Variants in MYO18B observed in about 807,000 individuals in gnomAD.
The protein encoded by MYO18B is myosin XVIIIB.
A neutral mutation model predicts 273.0 loss-of-function variants in MYO18B; 204 were observed. That is an observed-to-expected ratio of 0.75 (90% CI 0.67 to 0.84). The LOEUF (loss-of-function observed/expected upper bound fraction) is 0.84. Among genes scored for constraint, MYO18B ranks in the 40% least tolerant of loss-of-function variants. The pLI, the probability that MYO18B is intolerant of heterozygous loss-of-function variation, is 0.00. For missense variants in MYO18B, 3,212 were observed against 3,287.6 expected (o/e 0.98, Z 0.56); for synonymous variants, 1,330 against 1,305.7 (o/e 1.02, Z -0.40).
chr22:25,837,443 G>A (rs900984390), intron 17 of MYO18B, among the ~76,000 whole-genome samples: 2 of 152,226 alleles, frequency 1.3e-5, no homozygotes, highest in African/African-American at 4.8e-5. Flanking sequence ...CAAGTGAGGT[G>A]TGTGCTGGGG....
chr22:25,817,715 T>A (rs949007951), intron 12 of MYO18B, among the ~76,000 whole-genome samples: 1 of 152,194 alleles, frequency 6.6e-6, no homozygotes, highest in Non-Finnish European at 1.5e-5. Context: ...GAACAGAATT[T>A]CTCCTTCTTA....
At chr22:25,968,275 A>G (rs981390485) in intron 39 of MYO18B, among the ~76,000 whole-genome samples, 8 of 152,226 alleles carry the variant, frequency 5.3e-5, no homozygotes, top group African/African-American at 1.9e-4. Context: ...TCTGGGGTAC[A>G]TGCCCAGCCC....
chr22:25,913,670 T>C (rs1238196771), intron 33 of MYO18B, among the ~76,000 whole-genome samples: 1 of 152,230 alleles, frequency 6.6e-6, no homozygotes, highest in African/African-American at 2.4e-5. Context: ...GCCTGGCCGA[T>C]TGTGGCTTTT....
Position 25,941,305 on chromosome 22 carries a change from G to A in MYO18B, c.5518-4832G>A, listed in dbSNP as rs568902786. 1.8e-4 allele frequency among the ~76,000 whole-genome samples: 28 copies of A among 152,230 alleles called. No individual in the cohort carries two copies. The South Asian group carries it at 4.8e-3, about 26-fold the overall frequency. ...GGGGACGTGATGATTACTCAGAGTC[G>A]AAAGGTGGGAAGTGTCAGCTGTCAC... On this transcript the variant is annotated intron_variant, in intron 34 of 43. Coordinates refer to ENST00000335473, the MANE Select transcript of MYO18B (RefSeq NM_032608.7).
chr22:25,889,314 A>G (rs1264350939), intron 25 of MYO18B, among the ~76,000 whole-genome samples: 2 of 152,136 alleles, frequency 1.3e-5, no homozygotes, highest in East Asian at 1.9e-4. Context: ...TGTAAGAACC[A>G]TTTACCTTCT....
chr22:26,015,339 C>T (rs1162280660), intron 42 of MYO18B, among the ~76,000 whole-genome samples: 1 of 152,158 alleles, frequency 6.6e-6, no homozygotes, highest in Non-Finnish European at 1.5e-5. Flanking sequence ...ACCGTAAAGA[C>T]ACATGCATAT....
chr22:25,989,650 A>G (rs1285946733), intron 39 of MYO18B, among the ~76,000 whole-genome samples: 1 of 137,698 alleles, frequency 7.3e-6, no homozygotes, highest in African/African-American at 2.7e-5. Context: ...AAAAAAAAAA[A>G]AAGCCAGCGT....
At chr22:25,891,894 G>A (rs747926253) in intron 27 of MYO18B, among the ~76,000 whole-genome samples, 21 of 152,102 alleles carry the variant, frequency 1.4e-4, no homozygotes, top group Non-Finnish European at 4.4e-5. Context: ...CTGGTGTGGT[G>A]GCATGCACCT....
intron 34 of MYO18B, among the ~76,000 whole-genome samples, chr22:25,941,738 C>T (rs2092646688): frequency 6.6e-6 from 1 of 152,204 alleles, no homozygotes; most frequent in Admixed American, 6.5e-5. Context: ...TGGGGCCTGC[C>T]CCGTGGAGGT....
chr22:25,862,853 G>T (rs1368913902), intron 21 of MYO18B, among the ~76,000 whole-genome samples: 1 of 150,096 alleles, frequency 6.7e-6, no homozygotes, highest in Non-Finnish European at 1.5e-5. Context: ...TTTTGGGGGG[G>T]GGTGTCAAAT....
At chr22:25,865,856 G>T (rs1299503286) in intron 21 of MYO18B, among the ~76,000 whole-genome samples, 3 of 149,600 alleles carry the variant, frequency 2.0e-5, no homozygotes, top group Admixed American at 2.0e-4. Context: ...ATTTTTTATT[G>T]TTTTTTTTTC....
At chr22:26,063,020 C>A in the MYO18B span, among the ~76,000 whole-genome samples, 1 of 152,252 alleles carries the variant, frequency 6.6e-6, no homozygotes, top group Non-Finnish European at 1.5e-5. Flanking sequence ...GGAATGGACA[C>A]CCAGCACTGT....
intron 34 of MYO18B, among the ~76,000 whole-genome samples, chr22:25,943,118 T>C (rs1002871520): frequency 3.3e-5 from 5 of 152,108 alleles, no homozygotes; most frequent in Admixed American, 3.3e-4. Flanking sequence ...AATGACTCTC[T>C]CTTGCCTCCT....
chr22:25,837,072 G>T (rs1175158312), intron 17 of MYO18B, among the ~76,000 whole-genome samples: 1 of 151,894 alleles, frequency 6.6e-6, no homozygotes. Flanking sequence ...ATATGTGCTC[G>T]CATTCATTCA....
chr22:26,014,709 C>T (rs1935173910), intron 42 of MYO18B, among the ~76,000 whole-genome samples: 1 of 152,198 alleles, frequency 6.6e-6, no homozygotes, highest in African/African-American at 2.4e-5. Flanking sequence ...TTCTCTGCAA[C>T]CTCACCAGCA....
intron 17 of MYO18B, among the ~76,000 whole-genome samples, chr22:25,838,213 A>G: frequency 6.6e-6 from 1 of 151,750 alleles, no homozygotes; most frequent in South Asian, 2.1e-4. Flanking sequence ...ACATACAGAG[A>G]GAGAGATGGA....
chr22:25,780,704 C>T (rs532080787), intron 9 of MYO18B, among the ~76,000 whole-genome samples: 163 of 152,040 alleles, frequency 1.1e-3, no homozygotes, highest in South Asian at 4.6e-3. Context: ...AGTTGCTCCC[C>T]ACCTCGCTAG....
intron 25 of MYO18B, among the ~76,000 whole-genome samples, chr22:25,879,998 C>T (rs2091295707): frequency 6.6e-6 from 1 of 152,176 alleles, no homozygotes; most frequent in South Asian, 2.1e-4. Flanking sequence ...CCAGGCCCTT[C>T]CTCCAACACT....
chr22:25,967,451 C>T (rs992787204), intron 39 of MYO18B, among the ~76,000 whole-genome samples: 1 of 152,176 alleles, frequency 6.6e-6, no homozygotes, highest in Non-Finnish European at 1.5e-5. Context: ...GTTTTTGATT[C>T]ATTTCCAAAG....
Sources: gnomAD v4.1 joint callset for allele counts (sites outside exome capture counted in the v4.1 genomes callset) on GRCh38, gnomAD v4.1.1 for gene constraint, MANE v1.5 for transcripts, NCBI Gene and HGNC (gene_info 2026-07-23, HGNC 2026-07-21) for gene names.